Variants in ATP7A observed in about 807,000 individuals in gnomAD.
The protein encoded by ATP7A is ATPase copper transporting alpha, also known as copper-transporting ATPase 1.
Under a neutral mutation model 83.5 loss-of-function variants are expected in ATP7A, and 7 were observed. That is an observed-to-expected ratio of 0.08 (90% CI 0.05 to 0.16). ATP7A has a LOEUF of 0.16. ATP7A is among the 10% of genes least tolerant of loss of function. The pLI is 1.00. For missense variants in ATP7A, 940 were observed against 1,120.8 expected, an observed-to-expected ratio of 0.84 and a Z score of 2.30; for synonymous variants, 354 against 395.2, an observed-to-expected ratio of 0.90 and a Z score of 1.24.
In ATP7A at chrX:78,031,397, C is replaced by T. The variant is rs1557237044; in HGVS notation, c.3112-3C>T. Reference sequence around the variant, plus strand: ...AAGTCATTGTATCTTAATTTTTTTACAGGTAAAGGTAGTGGTATTTGATAA... The same window carrying T: ...AAGTCATTGTATCTTAATTTTTTTATAGGTAAAGGTAGTGGTATTTGATAA... On this transcript the variant is annotated splice_region_variant and splice_polypyrimidine_tract_variant and intron_variant, in intron 15 of 22. Transcript: ENST00000341514. 8.3e-7 allele frequency: 1 copy of T among 1,206,649 alleles called. No individual in the cohort carries two copies. The highest frequency in any genetic ancestry group is 1.8e-5 in the South Asian group (1 of 56,740).
intron 10 of ATP7A, among the ~76,000 whole-genome samples, chrX:78,014,243 A>G (rs1557234870): frequency 9.2e-6 from 1 of 108,801 alleles, no homozygotes; most frequent in Non-Finnish European, 1.9e-5. Flanking sequence ...CATCTCTACT[A>G]AAAATACAAA....
intron 1 of ATP7A, among the ~76,000 whole-genome samples, chrX:77,925,967 TAC>T (rs1209379058): frequency 9.2e-6 from 1 of 108,889 alleles, no homozygotes; most frequent in Non-Finnish European, 1.9e-5. Context: ...GTGACAAATC[TAC>T]AGTTTCAGAA....
chrX:78,040,221 AAG>A (rs2078038941), intron 18 of ATP7A, among the ~76,000 whole-genome samples: 1 of 100,734 alleles, frequency 9.9e-6, no homozygotes, highest in African/African-American at 3.5e-5. Context: ...TTACCTTAAA[AAG>A]AAAAAAAGTA....
intron 7 of ATP7A, among the ~76,000 whole-genome samples, chrX:78,009,783 C>A (rs1346842749): frequency 8.9e-6 from 1 of 112,119 alleles, no homozygotes; most frequent in Non-Finnish European, 1.9e-5. Flanking sequence ...TGTAGCGAGA[C>A]CCTGTCTCTG....
intron 4 of ATP7A, among the ~76,000 whole-genome samples, chrX:77,994,330 T>C (rs1329100585): frequency 9.0e-6 from 1 of 111,428 alleles, no homozygotes; most frequent in Non-Finnish European, 1.9e-5. Context: ...CCTTCCAAAA[T>C]GCTAGGATTA....
At chrX:77,929,468 A>G (rs2077260035) in intron 1 of ATP7A, among the ~76,000 whole-genome samples, 1 of 111,712 alleles carries the variant, frequency 9.0e-6, no homozygotes, top group Non-Finnish European at 1.9e-5. Flanking sequence ...GTCAGATTCT[A>G]TCATTCATTA....
chrX:78,017,765 CTTTTTTTTTTTT>C (rs1176316040), intron 12 of ATP7A, among the ~76,000 whole-genome samples: 7 of 45,843 alleles, frequency 1.5e-4, no homozygotes, highest in East Asian at 7.6e-4. Context: ...TTTCTTGTTT[CTTTTTTTTTTTT>C]TTTTTTTTTT....
chrX:77,948,068 T>TATTG (rs2077392042), intron 1 of ATP7A, among the ~76,000 whole-genome samples: 1 of 85,121 alleles, frequency 1.2e-5, no homozygotes, highest in Non-Finnish European at 2.2e-5. Flanking sequence ...AATATTTATT[T>TATTG]ATTTATTTAT....
At chrX:77,984,573 G>T (rs2077624562) in intron 2 of ATP7A, among the ~76,000 whole-genome samples, 1 of 110,522 alleles carries the variant, frequency 9.0e-6, no homozygotes, top group Non-Finnish European at 1.9e-5. Flanking sequence ...TCCTGCATTG[G>T]CTAGGCTGGC....
intron 2 of ATP7A, among the ~76,000 whole-genome samples, chrX:77,972,647 G>A (rs1326300097): frequency 9.0e-6 from 1 of 111,288 alleles, no homozygotes; most frequent in Non-Finnish European, 1.9e-5. Flanking sequence ...CACTGTGCCC[G>A]GCTGCATGCC....
chrX:77,911,371 T>C (rs1225100315), intron 1 of ATP7A, among the ~76,000 whole-genome samples: 2 of 111,907 alleles, frequency 1.8e-5, no homozygotes, highest in Non-Finnish European at 3.8e-5. Context: ...CTGTGGCATC[T>C]TATCTTTGAC....
intron 1 of ATP7A, among the ~76,000 whole-genome samples, chrX:77,931,925 C>G (rs1437824223): frequency 1.0e-4 from 8 of 78,594 alleles, no homozygotes; most frequent in African/African-American, 2.0e-4. Flanking sequence ...CCTCCCGGAC[C>G]GGGCGGCTGG....
At chrX:78,023,635 C>A (rs1182631915) in intron 14 of ATP7A, among the ~76,000 whole-genome samples, 4 of 110,753 alleles carry the variant, frequency 3.6e-5, no homozygotes, top group Non-Finnish European at 7.6e-5. Flanking sequence ...GCCCTTTGCC[C>A]ACTTTTAAAT....
At chrX:77,940,023 CAAT>C (rs1266637336) in intron 1 of ATP7A, among the ~76,000 whole-genome samples, 6 of 109,650 alleles carry the variant, frequency 5.5e-5, no homozygotes, top group African/African-American at 2.0e-4. Flanking sequence ...GGATCTGACA[CAAT>C]GATGTTAAGG....
chrX:77,961,381 G>C (rs1557228067), intron 1 of ATP7A, among the ~76,000 whole-genome samples: 1 of 111,655 alleles, frequency 9.0e-6, no homozygotes, highest in Non-Finnish European at 1.9e-5. Context: ...TCCTAAACAG[G>C]TAAACTAGCC....
intron 4 of ATP7A, 143 bp downstream of exon 4, chrX:77,990,101 A>G (rs2077661243): frequency 2.8e-6 from 2 of 702,574 alleles, no homozygotes; most frequent in East Asian, 6.8e-5. Flanking sequence ...AGCCAGCAGT[A>G]TATACAAAGA....
Position 78,011,452 on chromosome X carries a change from G to C in ATP7A, c.1950G>C (p.Trp650Cys). The C allele has an allele frequency of 8.3e-7, 1 of 1,207,712 alleles. No homozygotes were observed. The highest frequency in any genetic ancestry group is 1.1e-6 in the Non-Finnish European group (1 of 892,437). ...HLDHKREIRQ[W>C]RRSFLVSLFF... is the part of the protein sequence containing the mutation. ...TTTTTTATTTTTTCCATATAAGATG[G>C]AGACGGTCTTTTCTTGTGAGTCTGT... is the stretch of plus-strand genomic sequence containing the variant. Residue 650 changes from tryptophan (W) to cysteine (C), a missense_variant, in exon 9 of 23, where the codon TGG becomes TGC. This residue lies in a region of ATP7A where 204 missense variants were observed against 185.8 expected (regional missense o/e 1.10). Coordinates refer to ENST00000341514, the MANE Select transcript of ATP7A (RefSeq NM_000052.7).
At position 77,971,733 on chromosome X, in the gene ATP7A, G is replaced by A. The variant is rs1569549378; in HGVS notation, c.92G>A (p.Gly31Glu). Residue 31 changes from glycine to glutamate, a missense_variant, in exon 2 of 23, where the codon GGA (glycine) becomes GAA (glutamate). By Grantham distance (98) the Gly-to-Glu change is moderately conservative (BLOSUM62 -2). Coordinates refer to ENST00000341514, the MANE Select transcript of ATP7A (RefSeq NM_000052.7). ...SCVWTIEQQIGKVNGVHHIKV... is the reference protein window; with the variant it reads ...SCVWTIEQQIEKVNGVHHIKV... ...GTTTGGACCATTGAGCAGCAGATTG[G>A]AAAAGTGAATGGTGTGCATCACATT... The A allele has an allele frequency of 3.3e-6, 4 of 1,211,369 alleles. No homozygotes were observed. The highest frequency in any genetic ancestry group is 4.5e-6 in the Non-Finnish European group (4 of 895,204).
At chrX:77,970,975 T>C (rs1333080758) in intron 1 of ATP7A, among the ~76,000 whole-genome samples, 2 of 111,946 alleles carry the variant, frequency 1.8e-5, no homozygotes, top group African/African-American at 6.5e-5. Context: ...CAGTTTTAAA[T>C]AGGGTGGTCA....
Sources: allele counts gnomAD v4.1 joint callset (sites outside exome capture counted in the v4.1 genomes callset), GRCh38; gene constraint gnomAD v4.1.1; regional missense constraint gnomAD v4.1.1; transcripts MANE v1.5; gene names NCBI Gene and HGNC (gene_info 2026-07-23, HGNC 2026-07-21).